ASPA: variants seen among roughly 807,000 people sequenced by gnomAD.
ASPA encodes aspartoacylase, also known as ACY-2.
In ASPA, 25 loss-of-function variants were observed where a neutral mutation model predicts 29.6. The ratio of observed to expected loss-of-function variants is 0.85; its 90% CI spans 0.62 to 1.18. The LOEUF is 1.18. Among genes scored for constraint, ASPA ranks in the 50% most tolerant of loss-of-function variants. The pLI is 0.00. For synonymous variants in ASPA, 131 were observed against 130.3 expected (o/e 1.01, Z -0.04); for missense variants, 333 against 385.7 (o/e 0.86, Z 1.14).
chr17:3,487,453 A>G (rs1346798920), intron 3 of ASPA, among the ~76,000 whole-genome samples: 1 of 152,214 alleles, frequency 6.6e-6, no homozygotes, highest in African/African-American at 2.4e-5. Flanking sequence ...GGCCAAACAT[A>G]TCAGCAATGT....
In ASPA at chr17:3,500,525, C is replaced by T. The variant is rs1163422546; in HGVS notation, c.*1437C>T. 4 of 17,270 alleles carry T rather than the reference C, an allele frequency of 2.3e-4. No individual in the cohort carries two copies. The highest frequency in any genetic ancestry group is 4.9e-4 in the Non-Finnish European group (2 of 4,078). The allele number at this position is 17,270 out of a possible 1,614,324, so 1.1% of individuals were successfully genotyped here. On this transcript the variant is annotated 3_prime_UTR_variant, in exon 6 of 6. Transcript: ENST00000263080. ...CTTGTTTTTTGTTTTTTTTTTGAGA[C>T]GGAGTCTTGCTCTGTCGTCCAGGCT...
upstream of ASPA, chr17:3,474,166 A>G (rs1216579932): frequency 6.6e-6 from 1 of 152,230 alleles, no homozygotes; most frequent in African/African-American, 2.4e-5. Flanking sequence ...TCTGTACACA[A>G]AAAACAAGGT....
At position 3,483,563 on chromosome 17, in the gene ASPA, C is replaced by G. The variant is rs748886721; in HGVS notation, c.497C>G (p.Thr166Ser). ...LIEHPSLKYA[T>S]TRSIAKYPVG... ...GAGCATCCTTCCCTCAAATATGCGACCACTCGTTCCATAGCCAAGTATCCT... is the reference window on the plus strand; with the variant it reads ...GAGCATCCTTCCCTCAAATATGCGAGCACTCGTTCCATAGCCAAGTATCCT... The change falls in exon 3 of 6, where the codon ACC (threonine) becomes AGC (serine). Residue 166 changes from threonine (T) to serine (S), a missense_variant. Thr to Ser is a moderately conservative substitution (Grantham distance 58). Coordinates refer to ENST00000263080, the MANE Select transcript of ASPA (RefSeq NM_000049.4). 6.2e-7 allele frequency: 1 copy of G among 1,614,010 alleles called. No homozygotes were observed. The highest frequency in any genetic ancestry group is 1.1e-5 in the South Asian group (1 of 91,080).
At chr17:3,496,715 A>C (rs1049889912) in intron 5 of ASPA, among the ~76,000 whole-genome samples, 1 of 152,220 alleles carries the variant, frequency 6.6e-6, no homozygotes, top group African/African-American at 2.4e-5. Flanking sequence ...ACCACAAACT[A>C]CTAAAGTAGC....
At chr17:3,493,551 G>T (rs1183908640) in intron 4 of ASPA, among the ~76,000 whole-genome samples, 105 of 90,182 alleles carry the variant, frequency 1.2e-3, no homozygotes, top group African/African-American at 4.4e-3. Context: ...AAAGAGCGAG[G>T]TTCCATCTCA....
At chr17:3,496,436 G>C (rs2073908394) in intron 5 of ASPA, among the ~76,000 whole-genome samples, 2 of 152,176 alleles carry the variant, frequency 1.3e-5, no homozygotes, top group South Asian at 4.1e-4. Flanking sequence ...AGAGATGGTG[G>C]CACTGAAGTT....
chr17:3,492,215 A>T (rs921943769), intron 4 of ASPA, among the ~76,000 whole-genome samples: 4 of 152,214 alleles, frequency 2.6e-5, no homozygotes, highest in African/African-American at 9.6e-5. Context: ...AGCAGCAATG[A>T]AACGGGCCAC....
intron 4 of ASPA, 108 bp downstream of exon 4, chr17:3,489,450 A>G: frequency 1.1e-6 from 1 of 938,714 alleles, no homozygotes. Flanking sequence ...TGCTTTTTAA[A>G]ATTTTTATTC....
chr17:3,494,440 T>G lies in ASPA; in HGVS notation c.725T>G (p.Ile242Ser). 6.2e-7 allele frequency: 1 copy of G among 1,607,494 alleles called. No individual in the cohort carries two copies. Among genetic ancestry groups the G allele is most frequent in the Non-Finnish European group, 8.5e-7 (1 of 1,173,868 alleles). ...PRDENGEIAA[I>S]IHPNLQDQDW... The stretch of plus-strand genomic sequence containing the variant: ...GATGAAAATGGAGAAATTGCTGCTA[T>G]CATCCATCCTAATCTGCAGGTAACA... The change falls in exon 5 of 6, where the codon ATC becomes AGC. Residue 242 changes from isoleucine to serine, a missense_variant. Physicochemically the swap from Ile to Ser is moderately radical, Grantham distance 142 (BLOSUM62 -2). Transcript: ENST00000263080.
chr17:3,486,040 C>A (rs2073715192), intron 3 of ASPA, among the ~76,000 whole-genome samples: 1 of 151,226 alleles, frequency 6.6e-6, no homozygotes, highest in Non-Finnish European at 1.5e-5. Context: ...TTAAGCAATT[C>A]TCCTGCCTCA....
chr17:3,496,311 T>C (rs569414982), intron 5 of ASPA, among the ~76,000 whole-genome samples: 7 of 152,318 alleles, frequency 4.6e-5, no homozygotes, highest in African/African-American at 1.7e-4. Context: ...AAACAATATG[T>C]AAACCAAATC....
intron 3 of ASPA, 45 bp from the exon 4 acceptor site, chr17:3,489,189 AT>A: frequency 8.7e-7 from 1 of 1,155,190 alleles, no homozygotes; most frequent in Non-Finnish European, 1.3e-6. Flanking sequence ...TTTATAATAT[AT>A]TTTCATACTT....
At position 3,498,916 on chromosome 17, in the gene ASPA, C is replaced by G. The variant is rs377217076; in HGVS notation, c.770C>G (p.Pro257Arg). The G allele has an allele frequency of 6.2e-6, 10 of 1,605,146 alleles. No individual in the cohort carries two copies. The highest frequency in any genetic ancestry group is 7.7e-6 in the Non-Finnish European group (9 of 1,174,752). The change falls in exon 6 of 6, where the codon CCT (proline) becomes CGT (arginine). Residue 257 changes from proline to arginine, a missense_variant. Transcript: ENST00000263080. ...GATCAAGACTGGAAACCACTGCATC[C>G]TGGGGATCCCATGTTTTTAACTCTT... ...LQDQDWKPLH[P>R]GDPMFLTLDG...
chr17:3,478,693 A>G (rs1239574557), intron 1 of ASPA, among the ~76,000 whole-genome samples: 1 of 152,196 alleles, frequency 6.6e-6, no homozygotes, highest in East Asian at 1.9e-4. Flanking sequence ...AACACTGTTC[A>G]GAGACTAGAC....
rs556241176 is a variant in ASPA, at chr17:3,485,728, G to A, written c.526+2136G>A. ...CTGAGAAATTTTACCCGACTTACAA[G>A]CTAACCATTAGCCTAGCACCTCTGA... On this transcript the variant is annotated intron_variant, in intron 3 of 5. Coordinates refer to ENST00000263080, the MANE Select transcript of ASPA (RefSeq NM_000049.4). The surrounding 1 kb of genome is among the most constrained non-coding windows in gnomAD (Gnocchi z 4.4). Among the ~76,000 whole-genome samples, 38 of 152,268 alleles carry A rather than the reference G, an allele frequency of 2.5e-4. No individual in the cohort carries two copies. Among genetic ancestry groups the A allele is most frequent in the African/African-American group, 7.5e-4 (31 of 41,544 alleles).
At chr17:3,477,497 A>G (rs914862561) in intron 1 of ASPA, among the ~76,000 whole-genome samples, 5 of 152,098 alleles carry the variant, frequency 3.3e-5, no homozygotes, top group Non-Finnish European at 5.9e-5. Flanking sequence ...CTTGTTGCCC[A>G]GTCTGGAGTG....
At chr17:3,477,602 G>A (rs1199623018) in intron 1 of ASPA, among the ~76,000 whole-genome samples, 2 of 151,986 alleles carry the variant, frequency 1.3e-5, no homozygotes, top group African/African-American at 4.8e-5. Flanking sequence ...ACAGGCACTT[G>A]CCACCATGTC....
At chr17:3,494,220 T>C in intron 4 of ASPA, 130 bp from the exon 5 acceptor site, 1 of 692,662 alleles carries the variant, frequency 1.4e-6, no homozygotes, top group South Asian at 1.4e-5. Context: ...GCCAGGCTGT[T>C]CTCGAACTCC....
chr17:3,479,776 T>C (rs1325025687), intron 1 of ASPA, among the ~76,000 whole-genome samples: 1 of 152,154 alleles, frequency 6.6e-6, no homozygotes, highest in African/African-American at 2.4e-5. Flanking sequence ...AATTAGCCCA[T>C]TGTACACAGT....
Sources: allele counts gnomAD v4.1 joint callset (sites outside exome capture counted in the v4.1 genomes callset), GRCh38; gene constraint gnomAD v4.1.1; non-coding constraint Gnocchi (gnomAD v3.1); transcripts MANE v1.5; gene names NCBI Gene and HGNC (gene_info 2026-07-23, HGNC 2026-07-21).